MCM8: variants seen among roughly 807,000 people sequenced by gnomAD.
MCM8 encodes minichromosome maintenance 8 homologous recombination repair factor.
MCM8 carries 85 observed loss-of-function variants against 98.9 expected under a neutral mutation model. The observed-to-expected ratio is 0.86, with a 90% CI of 0.72 to 1.03. MCM8 has a LOEUF of 1.03. Among genes scored for constraint, MCM8 ranks in the 50% least tolerant of loss-of-function variants. MCM8 has a pLI of 0.00. For synonymous variants in MCM8, 352 were observed against 338.6 expected (o/e 1.04, Z -0.44); for missense variants, 951 against 997.8 (o/e 0.95, Z 0.63).
At chr20:5,971,225 G>GA (rs1380886969) in intron 10 of MCM8, among the ~76,000 whole-genome samples, 1 of 152,174 alleles carries the variant, frequency 6.6e-6, no homozygotes, top group African/African-American at 2.4e-5. Context: ...GTGGGGGTCA[G>GA]ACATGCCTTA....
At chr20:5,974,964 A>C (rs889934428) in intron 12 of MCM8, among the ~76,000 whole-genome samples, 1 of 152,192 alleles carries the variant, frequency 6.6e-6, no homozygotes, top group Non-Finnish European at 1.5e-5. Context: ...AACAAAGCTC[A>C]TCATGAACAG....
intron 11 of MCM8, 76 bp from the exon 12 acceptor site, chr20:5,972,977 TAGA>T (rs2089436473): frequency 1.4e-6 from 2 of 1,466,752 alleles, no homozygotes; most frequent in Admixed American, 4.6e-5. Flanking sequence ...ATTAATATTA[TAGA>T]AGGAGGAATA....
In MCM8 at chr20:5,971,997, T is replaced by A; in HGVS notation, c.1224-10T>A. ...AAATTAGAATTTATAAGTTGTGTTCTGTTTTTCAGCTCGCTTTGCCCTGTC... is the reference window on the plus strand; with the variant it reads ...AAATTAGAATTTATAAGTTGTGTTCAGTTTTTCAGCTCGCTTTGCCCTGTC... On this transcript the variant is annotated splice_polypyrimidine_tract_variant and intron_variant, in intron 10 of 18. Transcript: ENST00000610722. 1 of 1,610,712 alleles carries A rather than the reference T, an allele frequency of 6.2e-7. No individual in the cohort carries two copies. The highest frequency in any genetic ancestry group is 8.5e-7 in the Non-Finnish European group (1 of 1,177,950).
intron 12 of MCM8, among the ~76,000 whole-genome samples, chr20:5,974,754 T>C (rs1390888577): frequency 6.6e-6 from 1 of 152,222 alleles, no homozygotes; most frequent in Non-Finnish European, 1.5e-5. Context: ...CCTTCATATC[T>C]GAGTCATCCT....
intron 6 of MCM8, 63 bp from the exon 7 acceptor site, chr20:5,958,465 A>G (rs770846271): frequency 4.6e-6 from 6 of 1,311,664 alleles, no homozygotes; most frequent in South Asian, 2.5e-5. Flanking sequence ...TGCTCCTAAA[A>G]GGAACTTGTG....
chr20:5,987,240 T>C lies in MCM8; in HGVS notation c.2164-42T>C, dbSNP rs371618106. The C allele has an allele frequency of 5.8e-6, 9 of 1,559,752 alleles. No individual in the cohort carries two copies. The African/African-American group carries it at 1.1e-4, about 19-fold the overall frequency. On this transcript the variant is annotated intron_variant, in intron 16 of 18. Transcript: ENST00000610722. ...AAGCTTAGACATACTATGGTAAATATATTCATCTTTCGTCATCTGAAAATG... is the reference window on the plus strand; with the variant it reads ...AAGCTTAGACATACTATGGTAAATACATTCATCTTTCGTCATCTGAAAATG...
chr20:5,956,688 C>A (rs1014962162), intron 5 of MCM8, among the ~76,000 whole-genome samples: 2 of 152,108 alleles, frequency 1.3e-5, no homozygotes, highest in Admixed American at 1.3e-4. Flanking sequence ...GCCACTGCGC[C>A]CAGCGTGTTT....
At chr20:5,983,659 C>T (rs966324346) in intron 14 of MCM8, among the ~76,000 whole-genome samples, 3 of 151,934 alleles carry the variant, frequency 2.0e-5, no homozygotes, top group Admixed American at 6.6e-5. Context: ...GAGATTGTGC[C>T]ACCACACTCC....
At position 5,978,035 on chromosome 20, in the gene MCM8, A is replaced by G. The variant is rs2089550938; in HGVS notation, c.1537+18A>G. 2 of 1,613,282 alleles carry G rather than the reference A, an allele frequency of 1.2e-6. No homozygotes were observed. Among genetic ancestry groups the G allele is most frequent in the African/African-American group, 1.3e-5 (1 of 74,896 alleles). On this transcript the variant is annotated intron_variant, in intron 13 of 18. Coordinates refer to ENST00000610722, the MANE Select transcript of MCM8 (RefSeq NM_032485.6). ...TGATCAAGGTGAGAGGCCAAAGGGA[A>G]TAATTAGTGATTCTGGGACTTTTTG... is the stretch of plus-strand genomic sequence containing the variant.
rs200897415 is a variant in MCM8, at chr20:5,985,977, T to C, written c.2009T>C (p.Ile670Thr). Residue 670 changes from isoleucine (I) to threonine (T), a missense_variant, in exon 16 of 19, where the codon ATT becomes ACT. Transcript: ENST00000610722. ...PIPHQLLRKY[I>T]GYARQYVYPR... is the part of the protein sequence containing the mutation. ...CCCCACCAGCTATTGAGAAAGTACATTGGCTATGCTCGGCAGTATGTGTAC... is the reference window on the plus strand; with the variant it reads ...CCCCACCAGCTATTGAGAAAGTACACTGGCTATGCTCGGCAGTATGTGTAC... 1.2e-6 allele frequency: 2 copies of C among 1,614,218 alleles called. No individual in the cohort carries two copies. Among genetic ancestry groups the C allele is most frequent in the Admixed American group, 1.7e-5 (1 of 60,024 alleles).
chr20:5,984,252 A>T (rs1280581575), intron 14 of MCM8, among the ~76,000 whole-genome samples: 1 of 152,216 alleles, frequency 6.6e-6, no homozygotes, highest in Non-Finnish European at 1.5e-5. Context: ...ATAATGTATC[A>T]ATATAGAAAC....
chr20:5,962,060 T>C (rs74834643), intron 7 of MCM8, among the ~76,000 whole-genome samples: 5,338 of 152,316 alleles, frequency 0.035, 127 homozygotes, highest in Middle Eastern at 0.1. Context: ...TGTAGTCAGA[T>C]GGTGGCTGGA....
At chr20:5,994,095 C>T (rs1186430240) in intron 18 of MCM8, among the ~76,000 whole-genome samples, 1 of 152,082 alleles carries the variant, frequency 6.6e-6, no homozygotes, top group East Asian at 1.9e-4. Flanking sequence ...ATATTCTCTG[C>T]ATATTGGAAT....
rs756520273 is a variant in MCM8, at chr20:5,985,996, T to C, written c.2028T>C (p.Tyr676=). ...LRKYIGYARQ[Y]VYPRLSTEAA... is the part of the protein sequence containing the mutation. ...AGTACATTGGCTATGCTCGGCAGTATGTGTACCCAAGGCTATCCACAGAAG... is the reference window on the plus strand; with the variant it reads ...AGTACATTGGCTATGCTCGGCAGTACGTGTACCCAAGGCTATCCACAGAAG... Residue 676 remains tyrosine, a synonymous_variant, in exon 16 of 19, where the codon TAT becomes TAC. Transcript: ENST00000610722. 2 of 1,614,126 alleles carry C rather than the reference T, an allele frequency of 1.2e-6. No homozygotes were observed. Among genetic ancestry groups the C allele is most frequent in the Non-Finnish European group, 1.7e-6 (2 of 1,180,046 alleles).
chr20:5,995,645 T>C lies in MCM8; in HGVS notation c.*1254T>C, dbSNP rs2089946583. On this transcript the variant is annotated 3_prime_UTR_variant, in exon 19 of 19. Transcript: ENST00000610722. Reference sequence around the variant, plus strand: ...TATGTTATATGCCCCTTTCATAGGCTGCTAGGGAGTTTTCCTGGTTCTACT... The same window carrying C: ...TATGTTATATGCCCCTTTCATAGGCCGCTAGGGAGTTTTCCTGGTTCTACT... 1 of 152,230 alleles carries C rather than the reference T, an allele frequency of 6.6e-6. No individual in the cohort carries two copies. Among genetic ancestry groups the C allele is most frequent in the South Asian group, 2.1e-4 (1 of 4,832 alleles). The allele number at this position is 152,230 out of a possible 1,614,324, so 9.4% of individuals were successfully genotyped here.
At chr20:5,967,363 C>A in intron 8 of MCM8, 73 bp from the exon 9 acceptor site, 2 of 1,361,794 alleles carry the variant, frequency 1.5e-6, no homozygotes, top group Non-Finnish European at 2.0e-6. Flanking sequence ...ATCATGTGAA[C>A]CCTGAATAGT....
At chr20:5,983,894 C>T (rs762930676) in intron 14 of MCM8, among the ~76,000 whole-genome samples, 11 of 152,122 alleles carry the variant, frequency 7.2e-5, no homozygotes, top group African/African-American at 1.2e-4. Flanking sequence ...AGCATTATTG[C>T]TGCCAAACAT....
chr20:5,966,290 TCTGA>T (rs2089273174), intron 8 of MCM8, among the ~76,000 whole-genome samples: 1 of 152,132 alleles, frequency 6.6e-6, no homozygotes, highest in Admixed American at 6.6e-5. Context: ...CTCTAGAATA[TCTGA>T]CTGATTTCTC....
intron 15 of MCM8, 151 bp downstream of exon 15, chr20:5,985,151 A>T: frequency 1.5e-6 from 1 of 675,124 alleles, no homozygotes; most frequent in Non-Finnish European, 2.5e-6. Context: ...CTTCATCTGA[A>T]ATAATCCAAG....
Sources: allele counts gnomAD v4.1 joint callset (sites outside exome capture counted in the v4.1 genomes callset), GRCh38; gene constraint gnomAD v4.1.1; transcripts MANE v1.5; gene names NCBI Gene and HGNC (gene_info 2026-07-23, HGNC 2026-07-21).